SLC29A3: variants seen among roughly 807,000 people sequenced by gnomAD.
The protein encoded by SLC29A3 is solute carrier family 29 member 3, also known as equilibrative nucleoside transporter 3.
Under a neutral mutation model 25.4 loss-of-function variants are expected in SLC29A3, and 18 were observed. The ratio of observed to expected loss-of-function variants is 0.71; its 90% CI spans 0.49 to 1.05. The LOEUF (loss-of-function observed/expected upper bound fraction) is 1.05. Ranked by LOEUF, SLC29A3 falls within the 50% of genes least tolerant of loss-of-function variation. The pLI is 0.00. For missense variants in SLC29A3, 586 were observed against 609.0 expected, an observed-to-expected ratio of 0.96 and a Z score of 0.40; for synonymous variants, 258 against 267.1, an observed-to-expected ratio of 0.97 and a Z score of 0.33.
chr10:71,363,808 C>CTTTTTTTTTTTTTTTT (rs71012277), downstream of SLC29A3, among the ~76,000 whole-genome samples: 19 of 103,718 alleles, frequency 1.8e-4, 2 homozygotes, highest in Non-Finnish European at 3.1e-4. Context: ...TTTCCTTTTT[C>CTTTTTTTTTTTTTTTT]TTTTCTTTTT....
chr10:71,368,082 T>C (rs1209716009), downstream of SLC29A3, among the ~76,000 whole-genome samples: 3 of 151,954 alleles, frequency 2.0e-5, no homozygotes, highest in Admixed American at 1.3e-4. Context: ...ATACAAAAAT[T>C]AGCCAGGCCT....
chr10:71,363,029 T>C lies in SLC29A3; in HGVS notation c.*421T>C, dbSNP rs1312369388. 2 of 458,796 alleles carry C rather than the reference T, an allele frequency of 4.4e-6. No individual in the cohort carries two copies. Among genetic ancestry groups the C allele is most frequent in the East Asian group, 1.4e-4 (2 of 14,538 alleles). The allele number at this position is 458,796 out of a possible 1,614,324, so 28.4% of individuals were successfully genotyped here. On this transcript the variant is annotated 3_prime_UTR_variant, in exon 6 of 6. Coordinates refer to ENST00000373189, the MANE Select transcript of SLC29A3 (RefSeq NM_018344.6). ...CTGACAGCGAGATGCAAGCAAATGC[T>C]CAGCTCTCCTTACCCTGAAGGGGTC...
intron 4 of SLC29A3, among the ~76,000 whole-genome samples, 172 bp from the exon 5 acceptor site, chr10:71,355,909 T>C (rs1371837111): frequency 2.0e-5 from 3 of 152,224 alleles, no homozygotes; most frequent in Admixed American, 2.0e-4. Flanking sequence ...CTGGAAATGC[T>C]TGGCTGCTGG....
Position 71,363,338 on chromosome 10 carries a change from A to G in SLC29A3, c.*730A>G, listed in dbSNP as rs1258731723. ...GTCTTTCAGTGTTCCTGTTTACAAC[A>G]TGTCAAAGCCATTGGTTCAAGGGCG... On this transcript the variant is annotated 3_prime_UTR_variant, in exon 6 of 6. Transcript: ENST00000373189. 2.2e-6 allele frequency: 1 copy of G among 454,030 alleles called. No homozygotes were observed. Among genetic ancestry groups the G allele is most frequent in the Non-Finnish European group, 4.4e-6 (1 of 226,812 alleles). 28.1% of individuals were successfully genotyped at this position (454,030 alleles called of 1,614,324 possible).
chr10:71,348,837 G>A (rs1846668227), intron 3 of SLC29A3, among the ~76,000 whole-genome samples: 1 of 152,208 alleles, frequency 6.6e-6, no homozygotes, highest in Non-Finnish European at 1.5e-5. Context: ...TCAAATGCGA[G>A]TAGTTTATCT....
At chr10:71,368,394 AG>A (rs1847186137) in intron 3 of SLC29A3, among the ~76,000 whole-genome samples, 1 of 152,230 alleles carries the variant, frequency 6.6e-6, no homozygotes, top group Admixed American at 6.5e-5. Flanking sequence ...TTGCAATGCC[AG>A]CTGCTTCCCT....
intron 3 of SLC29A3, among the ~76,000 whole-genome samples, chr10:71,374,002 A>C (rs1251063043): frequency 1.3e-5 from 2 of 152,176 alleles, no homozygotes; most frequent in Non-Finnish European, 2.9e-5. Context: ...CTGACCTTCC[A>C]GGTTGTTATA....
intron 3 of SLC29A3, among the ~76,000 whole-genome samples, chr10:71,373,705 G>A (rs1847228687): frequency 6.6e-6 from 1 of 152,200 alleles, no homozygotes; most frequent in Non-Finnish European, 1.5e-5. Flanking sequence ...TGATAACCAG[G>A]AGCTCACAGC....
At chr10:71,345,994 G>T (rs1162540702) in intron 3 of SLC29A3, among the ~76,000 whole-genome samples, 23 of 152,212 alleles carry the variant, frequency 1.5e-4, no homozygotes, top group Non-Finnish European at 2.9e-5. Flanking sequence ...ATCACCATCT[G>T]AACTATAGCA....
At chr10:71,357,506 C>T (rs1846946854) in intron 5 of SLC29A3, among the ~76,000 whole-genome samples, 1 of 152,098 alleles carries the variant, frequency 6.6e-6, no homozygotes, top group Non-Finnish European at 1.5e-5. Flanking sequence ...CTGCCTCAGC[C>T]TCCCAAAGTG....
chr10:71,381,014 C>G (rs1156706766), exon 5 of SLC29A3: 1 of 152,244 alleles, frequency 6.6e-6, no homozygotes, highest in African/African-American at 2.4e-5. Context: ...TGTTTTATCT[C>G]TACCCCTACT....
chr10:71,348,658 C>T lies in SLC29A3; in HGVS notation c.384-2904C>T, dbSNP rs370402847. On this transcript the variant is annotated intron_variant, in intron 3 of 5. Transcript: ENST00000373189. ...TGGCCTCCAGGGCCCCTGCTGTACT[C>T]TTACGATAGATGCTCCGGGCCGCCA... 3.3e-3 allele frequency among the ~76,000 whole-genome samples: 504 copies of T among 152,288 alleles called. 5 individuals carry two copies. Among genetic ancestry groups the T allele is most frequent in the African/African-American group, 0.012 (482 of 41,564 alleles).
chr10:71,349,633 C>CCT (rs1846696485), intron 3 of SLC29A3, among the ~76,000 whole-genome samples: 2 of 152,052 alleles, frequency 1.3e-5, no homozygotes. Context: ...AAGGAATGTT[C>CCT]TCCCAGGGAA....
intron 2 of SLC29A3, among the ~76,000 whole-genome samples, chr10:71,331,303 G>T (rs12779065): frequency 1.3e-5 from 2 of 152,096 alleles, no homozygotes; most frequent in Non-Finnish European, 2.9e-5. Flanking sequence ...GTGGAGGATG[G>T]GGGGAGAGAC....
At chr10:71,338,854 A>T (rs1010745073) in intron 2 of SLC29A3, among the ~76,000 whole-genome samples, 2 of 152,244 alleles carry the variant, frequency 1.3e-5, no homozygotes, top group Admixed American at 1.3e-4. Flanking sequence ...GCCCTCCCTG[A>T]GAGGAACGTG....
chr10:71,352,383 G>A (rs1846788384), intron 4 of SLC29A3, among the ~76,000 whole-genome samples: 1 of 152,022 alleles, frequency 6.6e-6, no homozygotes, highest in South Asian at 2.1e-4. Flanking sequence ...CAGGAGGGGA[G>A]ACAGAGTCGC....
intron 2 of SLC29A3, among the ~76,000 whole-genome samples, chr10:71,341,229 G>A (rs1846399634): frequency 7.0e-6 from 1 of 142,376 alleles, no homozygotes; most frequent in Non-Finnish European, 1.5e-5. Flanking sequence ...TCCTCCTTTG[G>A]TGGCAGTGGT....
At chr10:71,359,819 C>T (rs1589242838) in intron 5 of SLC29A3, among the ~76,000 whole-genome samples, 1 of 152,356 alleles carries the variant, frequency 6.6e-6, no homozygotes. Flanking sequence ...CACACCCCTA[C>T]ACCAACTCCC....
At chr10:71,349,840 A>G (rs1846704019) in intron 3 of SLC29A3, among the ~76,000 whole-genome samples, 1 of 152,172 alleles carries the variant, frequency 6.6e-6, no homozygotes, top group Admixed American at 6.5e-5. Flanking sequence ...GTTACCATCC[A>G]GCATAGACAT....
Sources: allele counts gnomAD v4.1 joint callset (sites outside exome capture counted in the v4.1 genomes callset), GRCh38; gene constraint gnomAD v4.1.1; transcripts MANE v1.5; gene names NCBI Gene and HGNC (gene_info 2026-07-23, HGNC 2026-07-21).